Variants in PTPRT observed in about 807,000 individuals in gnomAD.
PTPRT encodes the protein receptor-type tyrosine-protein phosphatase T.
PTPRT carries 56 observed loss-of-function variants against 176.8 expected under a neutral mutation model. The observed-to-expected ratio is 0.32, with a 90% CI of 0.26 to 0.40. The LOEUF (loss-of-function observed/expected upper bound fraction) is 0.40, where lower values mean the gene tolerates loss of function less well. Ranked by LOEUF, PTPRT falls within the 10% of genes least tolerant of loss-of-function variation. The pLI is 1.00. For missense variants in PTPRT, 1,540 were observed against 1,908.2 expected, an observed-to-expected ratio of 0.81 and a Z score of 3.60; for synonymous variants, 783 against 739.0, an observed-to-expected ratio of 1.06 and a Z score of -0.96.
chr20:43,034,075 G>A (rs1002799540), intron 1 of PTPRT, among the ~76,000 whole-genome samples: 1 of 152,166 alleles, frequency 6.6e-6, no homozygotes, highest in Non-Finnish European at 1.5e-5. Flanking sequence ...CTGGGTCCGG[G>A]GGCCTCTGCC....
chr20:42,076,823 T>C lies in PTPRT; in HGVS notation c.*4056A>G, dbSNP rs1479635393. Reference sequence around the variant, plus strand: ...GCAAATTTTGCATGAATTGTGAACGTAAAACATGAGACTATGAAGGAATTT... The same window carrying C: ...GCAAATTTTGCATGAATTGTGAACGCAAAACATGAGACTATGAAGGAATTT... On this transcript the variant is annotated 3_prime_UTR_variant, in exon 31 of 31. Transcript: ENST00000373187. 2.5e-5 allele frequency: 5 copies of C among 201,620 alleles called. No homozygotes were observed. The highest frequency in any genetic ancestry group is 5.1e-5 in the Non-Finnish European group (5 of 98,158). 12.5% of individuals were successfully genotyped at this position (201,620 alleles called of 1,614,324 possible). A position where few individuals can be genotyped will look rare whatever the true frequency, so the allele number is the denominator to read the frequency against.
chr20:42,124,026 G>A (rs1987725196), intron 19 of PTPRT, among the ~76,000 whole-genome samples: 1 of 152,184 alleles, frequency 6.6e-6, no homozygotes, highest in African/African-American at 2.4e-5. Flanking sequence ...TTGACTGAAT[G>A]TACGCATGCT....
chr20:42,090,739 A>G (rs907173025), intron 27 of PTPRT, among the ~76,000 whole-genome samples: 3 of 152,178 alleles, frequency 2.0e-5, no homozygotes, highest in Non-Finnish European at 4.4e-5. Context: ...AAGGCTCAGG[A>G]AATGGGAATT....
intron 9 of PTPRT, among the ~76,000 whole-genome samples, chr20:42,405,461 C>A (rs2425493): frequency 2.0e-5 from 3 of 151,998 alleles, no homozygotes; most frequent in East Asian, 1.9e-4. Flanking sequence ...TTTGTCCTTG[C>A]GACAGTTTGC....
chr20:42,611,812 T>A (rs2073980992), intron 7 of PTPRT, among the ~76,000 whole-genome samples: 1 of 151,996 alleles, frequency 6.6e-6, no homozygotes, highest in Non-Finnish European at 1.5e-5. Context: ...CCCCAACCCC[T>A]CCATCAGTGC....
At chr20:42,958,258 A>G (rs1211866618) in intron 1 of PTPRT, among the ~76,000 whole-genome samples, 2 of 67,554 alleles carry the variant, frequency 3.0e-5, no homozygotes, top group Non-Finnish European at 2.8e-5. Context: ...GAAGGGAGAG[A>G]GTGAGGAAGG....
At chr20:42,363,329 G>C in intron 9 of PTPRT, among the ~76,000 whole-genome samples, 1 of 51,836 alleles carries the variant, frequency 1.9e-5, no homozygotes, top group South Asian at 6.4e-4. Context: ...TTTTTTTTGA[G>C]ATGGAGTTTT....
intron 7 of PTPRT, among the ~76,000 whole-genome samples, chr20:42,487,042 G>T (rs1025612717): frequency 6.6e-6 from 1 of 152,090 alleles, no homozygotes; most frequent in African/African-American, 2.4e-5. Flanking sequence ...TAACATGACC[G>T]GCCAACACTC....
chr20:42,725,037 G>C (rs535985955), intron 6 of PTPRT, among the ~76,000 whole-genome samples: 39 of 151,526 alleles, frequency 2.6e-4, no homozygotes, highest in Non-Finnish European at 5.3e-4. Context: ...GTGTGTGTGT[G>C]TGTGTTTGAG....
intron 27 of PTPRT, among the ~76,000 whole-genome samples, chr20:42,090,562 G>A (rs1012912312): frequency 5.3e-5 from 8 of 152,144 alleles, no homozygotes; most frequent in Admixed American, 3.3e-4. Flanking sequence ...TGCATACTGT[G>A]CATGTATTTC....
chr20:42,319,105 C>T (rs1212129154), intron 11 of PTPRT, among the ~76,000 whole-genome samples: 1 of 152,174 alleles, frequency 6.6e-6, no homozygotes, highest in African/African-American at 2.4e-5. Flanking sequence ...TTTCTCCCCA[C>T]CAATCTGATT....
At chr20:42,583,408 C>T (rs1028820126) in intron 7 of PTPRT, among the ~76,000 whole-genome samples, 6 of 152,188 alleles carry the variant, frequency 3.9e-5, no homozygotes, top group African/African-American at 1.4e-4. Context: ...CAGGAAAATT[C>T]TGTCTAAACA....
the PTPRT span, among the ~76,000 whole-genome samples, chr20:42,040,196 G>A: frequency 2.0e-5 from 3 of 152,076 alleles, no homozygotes; most frequent in Non-Finnish European, 4.4e-5. Flanking sequence ...AGTGCACAGT[G>A]CTTCATTCTT....
At chr20:42,102,396 C>T (rs1986030396) in intron 25 of PTPRT, 99 bp from the exon 26 acceptor site, 4 of 1,321,406 alleles carry the variant, frequency 3.0e-6, no homozygotes, top group South Asian at 2.8e-5. Flanking sequence ...CGCCTATTTC[C>T]ACCCTCTAAG....
At chr20:42,501,837 A>G (rs996682775) in intron 7 of PTPRT, among the ~76,000 whole-genome samples, 1 of 152,104 alleles carries the variant, frequency 6.6e-6, no homozygotes, top group Non-Finnish European at 1.5e-5. Flanking sequence ...GTTCTTATGT[A>G]TAAGTGACAT....
At chr20:42,598,686 T>C (rs1184351627) in intron 7 of PTPRT, among the ~76,000 whole-genome samples, 2 of 149,928 alleles carry the variant, frequency 1.3e-5, no homozygotes, top group Non-Finnish European at 2.9e-5. Context: ...AAAGGAACCA[T>C]ACATAGGGAA....
chr20:43,146,646 G>A (rs549097332), intron 1 of PTPRT, among the ~76,000 whole-genome samples: 28 of 152,180 alleles, frequency 1.8e-4, no homozygotes, highest in African/African-American at 6.5e-4. Flanking sequence ...GAAAAAGACT[G>A]TCTGGGGGTA....
intron 2 of PTPRT, among the ~76,000 whole-genome samples, chr20:42,849,497 G>A (rs537573457): frequency 3.9e-5 from 6 of 152,268 alleles, no homozygotes; most frequent in South Asian, 4.2e-4. Context: ...TTTTTCCCAA[G>A]AGGACAATTT....
At chr20:42,736,606 G>T (rs1328576972) in intron 6 of PTPRT, among the ~76,000 whole-genome samples, 1 of 152,198 alleles carries the variant, frequency 6.6e-6, no homozygotes, top group African/African-American at 2.4e-5. Flanking sequence ...GGATAACAAG[G>T]GTGGTGGCAT....
Sources: gnomAD v4.1 joint callset for allele counts (sites outside exome capture counted in the v4.1 genomes callset) on GRCh38, gnomAD v4.1.1 for gene constraint, MANE v1.5 for transcripts, NCBI Gene and HGNC (gene_info 2026-07-23, HGNC 2026-07-21) for gene names.